Variants in SLC25A13 observed in about 807,000 individuals in gnomAD.
SLC25A13 encodes electrogenic aspartate/glutamate antiporter SLC25A13, mitochondrial.
A neutral mutation model predicts 85.5 loss-of-function variants in SLC25A13; 70 were observed. The ratio of observed to expected loss-of-function variants is 0.82; its 90% confidence interval spans 0.68 to 1.00. SLC25A13 has a LOEUF of 1.00. Among genes scored for constraint, SLC25A13 ranks in the 50% least tolerant of loss-of-function variants. SLC25A13 has a pLI of 0.00. For missense variants in SLC25A13, 765 were observed against 819.8 expected (o/e 0.93, Z 0.82); for synonymous variants, 259 against 288.7 (o/e 0.90, Z 1.04).
rs138247492 is a variant in SLC25A13, at chr7:96,128,690, T to C, written c.1591+3053A>G. 6.5e-3 allele frequency among the ~76,000 whole-genome samples: 985 copies of C among 151,550 alleles called. 10 individuals are homozygous for C. Among genetic ancestry groups the C allele is most frequent in the African/African-American group, 0.022 (912 of 41,310 alleles). ...GCTTGATGGGTGCAGCAAACCACCA[T>C]GGCACTTGTATAACTATGTAACAAA... On this transcript the variant is annotated intron_variant, in intron 15 of 17. Coordinates refer to ENST00000265631, the MANE Select transcript of SLC25A13 (RefSeq NM_014251.3).
At chr7:96,297,070 T>C (rs1584587445) in intron 1 of SLC25A13, 119 bp from the exon 2 acceptor site, 1 of 905,226 alleles carries the variant, frequency 1.1e-6, no homozygotes, top group Non-Finnish European at 1.8e-6. Flanking sequence ...TGTACTTAAA[T>C]ACCATGTTGC....
intron 15 of SLC25A13, among the ~76,000 whole-genome samples, chr7:96,126,461 A>T (rs1791730538): frequency 1.3e-5 from 2 of 152,120 alleles, no homozygotes; most frequent in Admixed American, 1.3e-4. Flanking sequence ...ACTTGGATAC[A>T]ACTGTCTCCT....
chr7:96,209,622 C>A (rs1202942840), intron 4 of SLC25A13, among the ~76,000 whole-genome samples: 1 of 151,900 alleles, frequency 6.6e-6, no homozygotes, highest in Admixed American at 6.5e-5. Context: ...CCCAAGAGTT[C>A]TCAAATTGTT....
chr7:96,158,080 G>A (rs573116162), intron 13 of SLC25A13, among the ~76,000 whole-genome samples: 1 of 152,274 alleles, frequency 6.6e-6, no homozygotes, highest in South Asian at 2.1e-4. Flanking sequence ...TAAAGGATAA[G>A]GGTTCAGGAG....
Position 96,208,846 on chromosome 7 carries a change from A to G in SLC25A13, c.460T>C (p.Phe154Leu), listed in dbSNP as rs1161532634. 3 of 1,613,874 alleles carry G rather than the reference A, an allele frequency of 1.9e-6. No homozygotes were observed. The highest frequency in any genetic ancestry group is 2.2e-5 in the East Asian group (1 of 44,878). The change falls in exon 5 of 18, where the codon TTT (phenylalanine) becomes CTT (leucine). Residue 154 changes from phenylalanine (F) to leucine (L), a missense_variant. Physicochemically the swap from Phe to Leu is conservative, Grantham distance 22. Transcript: ENST00000265631. ...RHLTYAEFTQ[F>L]LLEIQLEHAK... ...TTAAGAGCTAGACCCACCAATAAAA[A>G]CTGAGTAAATTCCGCATATGTCAGG...
At chr7:96,141,015 C>CTTTTTTT (rs1562789751) in intron 14 of SLC25A13, among the ~76,000 whole-genome samples, 3 of 128,792 alleles carry the variant, frequency 2.3e-5, no homozygotes, top group Non-Finnish European at 3.3e-5. Flanking sequence ...TTTCTTTTTT[C>CTTTTTTT]TTTCTTTTTT....
chr7:96,277,672 T>C (rs1458520363), intron 2 of SLC25A13, among the ~76,000 whole-genome samples: 2 of 152,128 alleles, frequency 1.3e-5, no homozygotes, highest in Admixed American at 1.3e-4. Flanking sequence ...ATACACAGGA[T>C]GACTCCCTGC....
chr7:96,131,833 A>G lies in SLC25A13; in HGVS notation c.1501T>C (p.Phe501Leu). The change falls in exon 15 of 18, where the codon TTT becomes CTT. Residue 501 changes from phenylalanine (F) to leucine (L), a missense_variant. By Grantham distance (22) the Phe-to-Leu change is conservative. Transcript: ENST00000265631. ...GCCTTCACATGAGCATAGCACGGAA[A>G]GTAGATGGCCGAGAAAGGAATGTCC... is the stretch of plus-strand genomic sequence containing the variant. ...LRDIPFSAIY[F>L]PCYAHVKASF... 2 of 1,614,126 alleles carry G rather than the reference A, an allele frequency of 1.2e-6. No homozygotes were observed. The highest frequency in any genetic ancestry group is 1.7e-6 in the Non-Finnish European group (2 of 1,180,002).
At chr7:96,298,565 T>C (rs968805632) in intron 1 of SLC25A13, among the ~76,000 whole-genome samples, 1 of 151,960 alleles carries the variant, frequency 6.6e-6, no homozygotes, top group Non-Finnish European at 1.5e-5. Context: ...TCCCAAGTAG[T>C]TGGGATTATA....
At chr7:96,171,988 A>G (rs1246616828) in intron 11 of SLC25A13, among the ~76,000 whole-genome samples, 1 of 152,140 alleles carries the variant, frequency 6.6e-6, no homozygotes, top group East Asian at 1.9e-4. Flanking sequence ...TCTTGGAAAC[A>G]CACACCAAGC....
intron 11 of SLC25A13, among the ~76,000 whole-genome samples, chr7:96,177,435 G>A (rs576915629): frequency 6.6e-6 from 1 of 152,316 alleles, no homozygotes; most frequent in African/African-American, 2.4e-5. Context: ...TCTACCAGGT[G>A]ACAAAAGAGC....
chr7:96,298,136 T>A (rs944260990), intron 1 of SLC25A13, among the ~76,000 whole-genome samples: 1 of 152,172 alleles, frequency 6.6e-6, no homozygotes, highest in Admixed American at 6.5e-5. Context: ...CACCCAACAC[T>A]GGACCCATGT....
In SLC25A13 at chr7:96,234,834, A is replaced by T; in HGVS notation, c.296T>A (p.Phe99Tyr). Reference sequence around the variant, plus strand: ...TACTTCTCCTTTGCCAGCTTTGTCAAACAGCTGAAAGGCTACCATAAACAA... The same window carrying T: ...TACTTCTCCTTTGCCAGCTTTGTCATACAGCTGAAAGGCTACCATAAACAA... ...DALFMVAFQL[F>Y]DKAGKGEVTF... Residue 99 changes from phenylalanine (F) to tyrosine (Y), a missense_variant, in exon 4 of 18, where the codon TTT (phenylalanine) becomes TAT (tyrosine). Phe to Tyr is a conservative substitution (Grantham distance 22, BLOSUM62 3). Transcript: ENST00000265631. 6.2e-7 allele frequency: 1 copy of T among 1,613,958 alleles called. No individual in the cohort carries two copies. Among genetic ancestry groups the T allele is most frequent in the Non-Finnish European group, 8.5e-7 (1 of 1,179,874 alleles).
intron 3 of SLC25A13, among the ~76,000 whole-genome samples, chr7:96,241,556 A>G (rs1796999419): frequency 1.3e-5 from 2 of 152,192 alleles, no homozygotes; most frequent in African/African-American, 4.8e-5. Flanking sequence ...AAAAATGGAC[A>G]ATAATATTTT....
chr7:96,321,811 G>A (rs1018609229), intron 1 of SLC25A13, 131 bp downstream of exon 1: 5 of 1,212,226 alleles, frequency 4.1e-6, no homozygotes, highest in East Asian at 3.0e-5. Context: ...CAGCCGCAAG[G>A]TGGAACGGCT....
At chr7:96,290,015 G>A (rs1454827199) in intron 2 of SLC25A13, among the ~76,000 whole-genome samples, 1 of 152,158 alleles carries the variant, frequency 6.6e-6, no homozygotes, top group African/African-American at 2.4e-5. Context: ...CAGAGAGAAA[G>A]GTCGGGTTAC....
chr7:96,191,319 T>A (rs1794841042), intron 6 of SLC25A13, 72 bp from the exon 7 acceptor site: 1 of 1,503,228 alleles, frequency 6.7e-7, no homozygotes, highest in Non-Finnish European at 9.2e-7. Flanking sequence ...AGTACATACA[T>A]CTAAAACTAG....
intron 3 of SLC25A13, among the ~76,000 whole-genome samples, chr7:96,267,550 C>G (rs369048544): frequency 3.3e-5 from 5 of 152,274 alleles, no homozygotes; most frequent in African/African-American, 9.6e-5. Flanking sequence ...TAGTGGCTCA[C>G]GTCTGTAATT....
At chr7:96,168,747 C>A (rs1370990798) in intron 13 of SLC25A13, among the ~76,000 whole-genome samples, 1 of 151,982 alleles carries the variant, frequency 6.6e-6, no homozygotes, top group African/African-American at 2.4e-5. Context: ...CTTAAAAAAA[C>A]AACAACCCCA....
Sources: allele counts gnomAD v4.1 joint callset (sites outside exome capture counted in the v4.1 genomes callset), GRCh38; gene constraint gnomAD v4.1.1; transcripts MANE v1.5; gene names NCBI Gene and HGNC (gene_info 2026-07-23, HGNC 2026-07-21).